Variants in NBR1 observed in about 807,000 individuals in gnomAD.
NBR1 encodes the protein NBR1 autophagy cargo receptor, also known as next to BRCA1 gene 1 protein.
NBR1 carries 59 observed loss-of-function variants against 115.5 expected under a neutral mutation model. The ratio of observed to expected loss-of-function variants is 0.51; its 90% CI spans 0.41 to 0.63. The LOEUF (loss-of-function observed/expected upper bound fraction) is 0.63. Ranked by LOEUF, NBR1 falls within the 30% of genes least tolerant of loss-of-function variation. NBR1 has a pLI of 0.00. For missense variants in NBR1, 1,043 were observed against 1,150.5 expected (o/e 0.91, Z 1.35); for synonymous variants, 373 against 414.7 (o/e 0.90, Z 1.22).
rs1409165577 is a variant in NBR1, at chr17:43,175,785, C to T, written c.-9-6C>T. On this transcript the variant is annotated splice_polypyrimidine_tract_variant and splice_region_variant and intron_variant, in intron 1 of 20. Transcript: ENST00000590996. Reference sequence around the variant, plus strand: ...CTCTCTCTCCCACCAACCTTCTCAACCCTAGCCTCACAGCATGGAACCACA... The same window carrying T: ...CTCTCTCTCCCACCAACCTTCTCAATCCTAGCCTCACAGCATGGAACCACA... 5 of 1,425,038 alleles carry T rather than the reference C, an allele frequency of 3.5e-6. No individual in the cohort carries two copies. The South Asian group carries it at 4.8e-5, about 14-fold the overall frequency. The allele number at this position is 1,425,038 out of a possible 1,614,324, so 88.3% of individuals were successfully genotyped here.
chr17:43,203,485 G>T (rs1233061444), intron 19 of NBR1, among the ~76,000 whole-genome samples, 196 bp from the exon 20 acceptor site: 1 of 152,166 alleles, frequency 6.6e-6, no homozygotes, highest in Non-Finnish European at 1.5e-5. Context: ...TATCTTGCTT[G>T]CACCAGTAGA....
rs779100650 is a variant in NBR1, at chr17:43,201,768, C to G, written c.2551C>G (p.Gln851Glu). ...ACCAGAAGTTTCTTCAGTCCCTGAT[C>G]AGATCAGAGGAGGTAATGATCAGCC... ...TIPEVSSVPD[Q>E]IRGEPRGSSG... Residue 851 changes from glutamine (Q) to glutamate (E), a missense_variant, in exon 18 of 21, where the codon CAG (glutamine) becomes GAG (glutamate). Coordinates refer to ENST00000590996, the MANE Select transcript of NBR1 (RefSeq NM_005899.5). 3 of 1,581,274 alleles carry G rather than the reference C, an allele frequency of 1.9e-6. No individual in the cohort carries two copies. Among genetic ancestry groups the G allele is most frequent in the Middle Eastern group, 1.7e-4 (1 of 6,030 alleles).
At chr17:43,177,009 G>A (rs1395973252) in intron 2 of NBR1, among the ~76,000 whole-genome samples, 4 of 152,070 alleles carry the variant, frequency 2.6e-5, no homozygotes, top group Non-Finnish European at 5.9e-5. Flanking sequence ...AGTGGCACAC[G>A]CCTAGAATCC....
chr17:43,203,024 C>T (rs568350842), intron 19 of NBR1, among the ~76,000 whole-genome samples: 46 of 152,088 alleles, frequency 3.0e-4, no homozygotes, highest in African/African-American at 1.0e-3. Flanking sequence ...GGCATGGTGG[C>T]GGGCACCTGT....
At chr17:43,180,681 C>A in intron 4 of NBR1, 114 bp from the exon 5 acceptor site, 2 of 1,162,350 alleles carry the variant, frequency 1.7e-6, no homozygotes, top group Non-Finnish European at 1.1e-6. Flanking sequence ...CTTATGGAAT[C>A]TTTGGTTCTT....
intron 6 of NBR1, among the ~76,000 whole-genome samples, chr17:43,188,464 A>T (rs1007439256): frequency 6.6e-6 from 1 of 152,128 alleles, no homozygotes; most frequent in Non-Finnish European, 1.5e-5. Context: ...CTTTAGTTTA[A>T]TTAGATCCCA....
Position 43,200,288 on chromosome 17 carries a change from G to T in NBR1, c.2148G>T (p.Glu716Asp). ...EDEEDEEEEDELKDEVQSQSS... is the reference protein window; with the variant it reads ...EDEEDEEEEDDLKDEVQSQSS... ...AGGAGGATGAGGAGGAGGAGGATGA[G>T]CTCAAAGATGAAGTTCAAAGTCAGT... is the stretch of plus-strand genomic sequence containing the variant. The change falls in exon 17 of 21, where the codon GAG becomes GAT. Residue 716 changes from glutamate to aspartate, a missense_variant. Transcript: ENST00000590996. 6.4e-7 allele frequency: 1 copy of T among 1,552,050 alleles called. No homozygotes were observed. The highest frequency in any genetic ancestry group is 1.2e-5 in the South Asian group (1 of 84,070).
chr17:43,176,870 C>G lies in NBR1; in HGVS notation c.102+969C>G, dbSNP rs565633353. Among the ~76,000 whole-genome samples, 11 of 152,210 alleles carry G rather than the reference C, an allele frequency of 7.2e-5. No homozygotes were observed. In the East Asian group the frequency reaches 1.7e-3, roughly 24 times the overall value. On this transcript the variant is annotated intron_variant, in intron 2 of 20. Coordinates refer to ENST00000590996, the MANE Select transcript of NBR1 (RefSeq NM_005899.5). ...AGCAGTTAATAGCCCTCCATTCTCC[C>G]CCCCCTCATCTGTTACTCCCACCTT...
intron 20 of NBR1, 141 bp downstream of exon 20, chr17:43,203,927 C>A: frequency 7.5e-6 from 3 of 402,322 alleles, no homozygotes; most frequent in Non-Finnish European, 1.3e-5. Flanking sequence ...ACACACAACA[C>A]AACTCTGCCA....
At chr17:43,171,995 G>T (rs1282880108) in intron 1 of NBR1, among the ~76,000 whole-genome samples, 1 of 152,072 alleles carries the variant, frequency 6.6e-6, no homozygotes, top group Non-Finnish European at 1.5e-5. Context: ...GGCCTCTGGT[G>T]GAGACAGTAA....
intron 12 of NBR1, 80 bp from the exon 13 acceptor site, chr17:43,194,270 T>C: frequency 1.5e-6 from 2 of 1,330,278 alleles, no homozygotes; most frequent in Non-Finnish European, 2.1e-6. Context: ...AGCAGCGTTT[T>C]TATTTTTGGG....
At position 43,200,188 on chromosome 17, in the gene NBR1, G is replaced by T; in HGVS notation, c.2048G>T (p.Gly683Val). ...TTAGTGACATTTGCCTTGCCTGAAG[G>T]ACCACTTGGAAATGAGAAGGAGGAG... Reference protein sequence around the residue: ...SLQMTFALPEGPLGNEKEEII... With the variant: ...SLQMTFALPEVPLGNEKEEII... Residue 683 changes from glycine (G) to valine (V), a missense_variant, in exon 17 of 21, where the codon GGA (glycine) becomes GTA (valine). Gly to Val is a moderately radical substitution (Grantham distance 109). Transcript: ENST00000590996. 1 of 1,548,870 alleles carries T rather than the reference G, an allele frequency of 6.5e-7. No homozygotes were observed. The highest frequency in any genetic ancestry group is 1.2e-5 in the South Asian group (1 of 83,916).
At chr17:43,185,657 A>G (rs958796793) in intron 5 of NBR1, among the ~76,000 whole-genome samples, 3 of 152,136 alleles carry the variant, frequency 2.0e-5, no homozygotes, top group African/African-American at 7.2e-5. Context: ...CATGCACTGC[A>G]TTCCAACATG....
intron 2 of NBR1, 63 bp downstream of exon 2, chr17:43,175,964 T>C: frequency 1.0e-6 from 1 of 960,808 alleles, no homozygotes. Flanking sequence ...CAAAGGTAGC[T>C]ATTTTTAGCA....
At chr17:43,173,207 A>G (rs1279821829) in intron 1 of NBR1, among the ~76,000 whole-genome samples, 1 of 148,396 alleles carries the variant, frequency 6.7e-6, no homozygotes. Flanking sequence ...CTGGTCTTGA[A>G]CTCCTAGGCT....
intron 1 of NBR1, among the ~76,000 whole-genome samples, chr17:43,173,620 T>G (rs186203260): frequency 2.4e-4 from 37 of 152,268 alleles, no homozygotes; most frequent in Admixed American, 2.4e-3. Context: ...AATGACATTT[T>G]GAAAGAACTT....
At chr17:43,203,974 G>A (rs2057260879) in intron 20 of NBR1, among the ~76,000 whole-genome samples, 188 bp downstream of exon 20, 1 of 145,650 alleles carries the variant, frequency 6.9e-6, no homozygotes, top group Non-Finnish European at 1.5e-5. Flanking sequence ...GTCTCGCTCT[G>A]TTGCCCAGGC....
chr17:43,194,932 T>G (rs1372523915), intron 13 of NBR1, 32 bp from the exon 14 acceptor site: 1 of 1,587,642 alleles, frequency 6.3e-7, no homozygotes, highest in Non-Finnish European at 8.6e-7. Context: ...CAGCATGCAC[T>G]CCAAACAGCC....
At chr17:43,173,262 C>T (rs1437394852) in intron 1 of NBR1, among the ~76,000 whole-genome samples, 2 of 152,084 alleles carry the variant, frequency 1.3e-5, no homozygotes, top group African/African-American at 2.4e-5. Context: ...AGATTACCAG[C>T]ATCAGCCACC....
Sources: allele counts gnomAD v4.1 joint callset (sites outside exome capture counted in the v4.1 genomes callset), GRCh38; gene constraint gnomAD v4.1.1; transcripts MANE v1.5; gene names NCBI Gene and HGNC (gene_info 2026-07-23, HGNC 2026-07-21).